The following RAB6A variants were observed in gnomAD, a reference collection of about 807,000 sequenced individuals.
The protein encoded by RAB6A is RAB6A, member RAS oncogene family.
A neutral mutation model predicts 32.3 loss-of-function variants in RAB6A; 8 were observed. The observed-to-expected ratio is 0.25, with a 90% confidence interval of 0.15 to 0.45. The LOEUF (loss-of-function observed/expected upper bound fraction) is 0.45. Ranked by LOEUF, RAB6A falls within the 20% of genes least tolerant of loss-of-function variation. The probability of loss-of-function intolerance (pLI) is 1.00; values close to 1 mark genes in which losing one functional copy is unlikely to be tolerated. For missense variants in RAB6A, 104 were observed against 249.4 expected, an observed-to-expected ratio of 0.42 and a Z score of 3.93; for synonymous variants, 73 against 82.1, an observed-to-expected ratio of 0.89 and a Z score of 0.60.
intron 5 of RAB6A, among the ~76,000 whole-genome samples, chr11:73,715,683 C>T (rs1039988089): frequency 1.1e-4 from 17 of 152,166 alleles, no homozygotes; most frequent in African/African-American, 3.9e-4. Flanking sequence ...AGCCATGGGT[C>T]CTACAGTGAA....
chr11:73,739,284 A>C (rs10678201), intron 1 of RAB6A, among the ~76,000 whole-genome samples: 6 of 6,756 alleles, frequency 8.9e-4, no homozygotes, highest in Admixed American at 3.4e-3. Flanking sequence ...AAAAAAAAAA[A>C]ATATATATAT....
intron 1 of RAB6A, among the ~76,000 whole-genome samples, chr11:73,758,578 T>TA (rs1946795637): frequency 6.6e-6 from 1 of 152,106 alleles, no homozygotes; most frequent in Non-Finnish European, 1.5e-5. Context: ...TTAGAAGCCA[T>TA]AAAACTCTCC....
At chr11:73,709,037 A>G (rs1347620751) in intron 5 of RAB6A, among the ~76,000 whole-genome samples, 1 of 152,144 alleles carries the variant, frequency 6.6e-6, no homozygotes, top group African/African-American at 2.4e-5. Context: ...TTTCTGAAAC[A>G]CTTTTAAAAA....
intron 6 of RAB6A, among the ~76,000 whole-genome samples, chr11:73,697,319 T>C (rs1945669842): frequency 6.6e-6 from 1 of 152,034 alleles, no homozygotes; most frequent in Non-Finnish European, 1.5e-5. Context: ...CTACTTTATT[T>C]TTCTGTTTTT....
chr11:73,705,847 A>G (rs764054745), intron 6 of RAB6A, among the ~76,000 whole-genome samples: 19 of 151,696 alleles, frequency 1.3e-4, no homozygotes, highest in Non-Finnish European at 2.5e-4. Flanking sequence ...TTTTGCTGAG[A>G]TCAGGTCGGT....
chr11:73,759,881 C>T (rs1310500091), intron 1 of RAB6A, among the ~76,000 whole-genome samples: 1 of 152,152 alleles, frequency 6.6e-6, no homozygotes. Flanking sequence ...AAGCCACAGC[C>T]CCATCTAACC....
chr11:73,734,816 C>G (rs1420615211), intron 1 of RAB6A, among the ~76,000 whole-genome samples: 1 of 152,124 alleles, frequency 6.6e-6, no homozygotes, highest in Non-Finnish European at 1.5e-5. Context: ...AGGAGAGTGT[C>G]TCTCAGTAAA....
chr11:73,752,990 T>C (rs1946690617), intron 1 of RAB6A, among the ~76,000 whole-genome samples: 1 of 152,184 alleles, frequency 6.6e-6, no homozygotes, highest in African/African-American at 2.4e-5. Flanking sequence ...AGGTGGTGCA[T>C]GCCTGTAATT....
At chr11:73,689,698 T>C (rs1448853000) in intron 6 of RAB6A, among the ~76,000 whole-genome samples, 2 of 152,118 alleles carry the variant, frequency 1.3e-5, no homozygotes. Flanking sequence ...TTGTCCTACC[T>C]TTCCAGACCA....
intron 6 of RAB6A, among the ~76,000 whole-genome samples, chr11:73,701,748 G>A (rs1945749371): frequency 6.6e-6 from 1 of 152,010 alleles, no homozygotes; most frequent in African/African-American, 2.4e-5. Flanking sequence ...CGACCCCCTG[G>A]GCCAAGCAAT....
At chr11:73,712,588 T>C (rs1945977027) in intron 5 of RAB6A, among the ~76,000 whole-genome samples, 1 of 151,998 alleles carries the variant, frequency 6.6e-6, no homozygotes, top group South Asian at 2.1e-4. Flanking sequence ...TGACCTCAGG[T>C]AATCCACCTG....
At chr11:73,731,905 C>G (rs940267513) in intron 1 of RAB6A, among the ~76,000 whole-genome samples, 4 of 150,976 alleles carry the variant, frequency 2.6e-5, no homozygotes, top group African/African-American at 9.7e-5. Flanking sequence ...CCATGCCGAG[C>G]TAATTTTTTG....
chr11:73,689,895 C>CAAA (rs5792626), intron 6 of RAB6A, among the ~76,000 whole-genome samples: 97 of 60,194 alleles, frequency 1.6e-3, no homozygotes, highest in Middle Eastern at 6.3e-3. Flanking sequence ...GACTCCGTCT[C>CAAA]AAAAAAAAAA....
chr11:73,728,610 A>AAATAATAAT (rs71065031), intron 2 of RAB6A, among the ~76,000 whole-genome samples: 19,414 of 136,296 alleles, frequency 0.14, 1,456 homozygotes, highest in East Asian at 0.22. Flanking sequence ...GTCTTTGTTT[A>AAATAATAAT]AATAATAATA....
At chr11:73,691,574 A>T (rs923641693) in intron 6 of RAB6A, among the ~76,000 whole-genome samples, 1 of 152,222 alleles carries the variant, frequency 6.6e-6, no homozygotes, top group Admixed American at 6.5e-5. Context: ...CAAGGCTCTC[A>T]TTTCATCTTT....
intron 1 of RAB6A, among the ~76,000 whole-genome samples, chr11:73,739,274 A>AT (rs1420503861): frequency 4.2e-4 from 9 of 21,420 alleles, no homozygotes; most frequent in African/African-American, 8.8e-4. Context: ...AAAAAAAAAA[A>AT]AAAAAAAAAA....
At chr11:73,714,822 A>G (rs1469557718) in intron 5 of RAB6A, among the ~76,000 whole-genome samples, 1 of 149,692 alleles carries the variant, frequency 6.7e-6, no homozygotes, top group Non-Finnish European at 1.5e-5. Context: ...AAAAATTTGC[A>G]GGACATGGTG....
At chr11:73,712,774 C>G (rs964044856) in intron 5 of RAB6A, among the ~76,000 whole-genome samples, 1 of 146,490 alleles carries the variant, frequency 6.8e-6, no homozygotes, top group Admixed American at 6.9e-5. Context: ...TGCTGGGGTG[C>G]AGTGACACGA....
At chr11:73,720,728 T>TA in intron 3 of RAB6A, 118 bp downstream of exon 3, 1 of 793,170 alleles carries the variant, frequency 1.3e-6, no homozygotes, top group East Asian at 2.5e-5. Flanking sequence ...TCAACAACTG[T>TA]AAACTATCTT....
Sources: gnomAD v4.1 joint callset for allele counts (sites outside exome capture counted in the v4.1 genomes callset) on GRCh38, gnomAD v4.1.1 for gene constraint, MANE v1.5 for transcripts, NCBI Gene and HGNC (gene_info 2026-07-23, HGNC 2026-07-21) for gene names.